DMD: variants seen among roughly 807,000 people sequenced by gnomAD.
DMD encodes the protein dystrophin.
DMD carries 63 observed loss-of-function variants against 330.1 expected under a neutral mutation model. That is an observed-to-expected ratio of 0.19 (90% CI 0.16 to 0.24). The LOEUF is 0.24. DMD is among the 10% of genes least tolerant of loss of function. DMD has a pLI of 1.00. For synonymous variants in DMD, 1,223 were observed against 959.8 expected (o/e 1.27, Z -5.07); for missense variants, 3,344 against 2,684.1 (o/e 1.25, Z -5.43).
intron 45 of DMD, among the ~76,000 whole-genome samples, chrX:31,949,669 T>C (rs747363185): frequency 9.0e-6 from 1 of 111,382 alleles, no homozygotes; most frequent in Non-Finnish European, 1.9e-5. Context: ...TTGGAAAATT[T>C]TAAATTACTA....
intron 18 of DMD, among the ~76,000 whole-genome samples, chrX:32,504,939 A>G (rs1216261805): frequency 8.9e-6 from 1 of 112,277 alleles, no homozygotes; most frequent in East Asian, 2.8e-4. Context: ...AAAAATAAAT[A>G]CATTTCCACT....
intron 57 of DMD, among the ~76,000 whole-genome samples, chrX:31,493,551 T>G (rs2069520456): frequency 9.0e-6 from 1 of 110,978 alleles, no homozygotes; most frequent in Non-Finnish European, 1.9e-5. Context: ...TTGGAAAAAG[T>G]AAATGGAGGC....
chrX:32,611,443 A>T (rs2057164157), intron 12 of DMD, among the ~76,000 whole-genome samples: 1 of 111,706 alleles, frequency 9.0e-6, no homozygotes, highest in Non-Finnish European at 1.9e-5. Context: ...AGGCAATTTC[A>T]TAGTCATTAG....
At chrX:32,707,935 T>C (rs1603222265) in intron 7 of DMD, among the ~76,000 whole-genome samples, 1 of 112,261 alleles carries the variant, frequency 8.9e-6, no homozygotes, top group Middle Eastern at 4.6e-3. Context: ...TAAGTGATTG[T>C]CACCTGCGGT....
At chrX:32,113,000 ATTAG>A (rs2096595531) in intron 44 of DMD, among the ~76,000 whole-genome samples, 1 of 112,935 alleles carries the variant, frequency 8.9e-6, no homozygotes, top group African/African-American at 3.2e-5. Context: ...TGAAAGCCAA[ATTAG>A]TTAAGTAAAT....
At chrX:32,396,889 C>T (rs904288880) in intron 30 of DMD, among the ~76,000 whole-genome samples, 1 of 111,062 alleles carries the variant, frequency 9.0e-6, no homozygotes, top group Non-Finnish European at 1.9e-5. Flanking sequence ...TACCTAACCT[C>T]GTCAGAACTG....
At chrX:31,241,831 CTTCA>C (rs1248662715) in intron 63 of DMD, among the ~76,000 whole-genome samples, 1 of 111,779 alleles carries the variant, frequency 8.9e-6, no homozygotes, top group Non-Finnish European at 1.9e-5. Flanking sequence ...AGAAGACGGA[CTTCA>C]TTATTTCTCT....
chrX:31,491,344 T>C (rs750945899), intron 57 of DMD, among the ~76,000 whole-genome samples: 2 of 112,005 alleles, frequency 1.8e-5, no homozygotes, highest in African/African-American at 6.5e-5. Context: ...ATCACAGAAG[T>C]AGACAAGTAA....
chrX:33,245,957 G>C (rs2052657190), intron 1 of DMD, among the ~76,000 whole-genome samples: 1 of 111,100 alleles, frequency 9.0e-6, no homozygotes, highest in Non-Finnish European at 1.9e-5. Context: ...TTAATTTCAG[G>C]GTTCATGAAG....
chrX:32,885,443 T>C (rs1233041568), intron 2 of DMD, among the ~76,000 whole-genome samples: 5 of 111,530 alleles, frequency 4.5e-5, no homozygotes, highest in Non-Finnish European at 3.8e-5. Context: ...AAAAAGTCAA[T>C]CATATTTTCA....
At chrX:32,425,848 C>A (rs1433727929) in intron 29 of DMD, among the ~76,000 whole-genome samples, 2 of 111,455 alleles carry the variant, frequency 1.8e-5, no homozygotes, top group African/African-American at 6.5e-5. Context: ...CACCTATACC[C>A]TTCTGATCTT....
intron 2 of DMD, among the ~76,000 whole-genome samples, chrX:32,992,736 G>A (rs988742694): frequency 4.7e-4 from 51 of 109,429 alleles, no homozygotes; most frequent in African/African-American, 1.4e-3. Flanking sequence ...GTGAAACCCC[G>A]TCTCTACTAA....
In DMD at chrX:32,491,433, T is replaced by C. The variant is rs1016565652; in HGVS notation, c.2466A>G (p.Arg822=). Reference sequence around the variant, plus strand: ...TGTTCTGATACTCCAGCCAGTTAAGTCTCTCACTTAGCAACTGGCAGAATT... The same window carrying C: ...TGTTCTGATACTCCAGCCAGTTAAGCCTCTCACTTAGCAACTGGCAGAATT... ...WIEFCQLLSE[R]LNWLEYQNNI... The change falls in exon 20 of 79, where the codon AGA becomes AGG. Residue 822 remains arginine, a synonymous_variant. Transcript: ENST00000357033. 8.3e-7 allele frequency: 1 copy of C among 1,211,368 alleles called. No individual in the cohort carries two copies. The highest frequency in any genetic ancestry group is 1.1e-6 in the Non-Finnish European group (1 of 895,142).
intron 77 of DMD, among the ~76,000 whole-genome samples, chrX:31,127,823 T>C (rs922631170): frequency 1.8e-5 from 2 of 111,828 alleles, no homozygotes; most frequent in Non-Finnish European, 3.8e-5. Context: ...TAAGGATAGT[T>C]TCTAAGTTTT....
At chrX:32,932,337 C>A (rs774443728) in intron 2 of DMD, among the ~76,000 whole-genome samples, 93 of 112,081 alleles carry the variant, frequency 8.3e-4, no homozygotes, top group Non-Finnish European at 5.8e-4. Flanking sequence ...AAATAATAAG[C>A]ATATGTAATA....
chrX:32,730,091 C>A (rs750182749), intron 7 of DMD, among the ~76,000 whole-genome samples: 3 of 111,947 alleles, frequency 2.7e-5, no homozygotes, highest in Admixed American at 9.5e-5. Context: ...TCAGCATTTT[C>A]GGAGGCTGAG....
At chrX:31,289,681 G>A (rs1434968201) in intron 62 of DMD, among the ~76,000 whole-genome samples, 3 of 110,449 alleles carry the variant, frequency 2.7e-5, no homozygotes, top group East Asian at 2.8e-4. Flanking sequence ...ATAATGTATT[G>A]AAATAATAAG....
intron 2 of DMD, among the ~76,000 whole-genome samples, chrX:32,979,823 A>G (rs1380877459): frequency 9.0e-6 from 1 of 111,502 alleles, no homozygotes; most frequent in African/African-American, 3.3e-5. Flanking sequence ...AGGAAGAAAC[A>G]TTAAGTTGTG....
At chrX:32,189,465 G>A (rs1306240803) in intron 44 of DMD, among the ~76,000 whole-genome samples, 2 of 109,746 alleles carry the variant, frequency 1.8e-5, no homozygotes, top group African/African-American at 6.6e-5. Context: ...ATTGTCCATA[G>A]CTGCTTCCAA....
Sources: gnomAD v4.1 joint callset for allele counts (sites outside exome capture counted in the v4.1 genomes callset) on GRCh38, gnomAD v4.1.1 for gene constraint, MANE v1.5 for transcripts, NCBI Gene and HGNC (gene_info 2026-07-23, HGNC 2026-07-21) for gene names.